PDE3B: variants seen among roughly 807,000 people sequenced by gnomAD.
The protein encoded by PDE3B is phosphodiesterase 3B, also known as cGMP-inhibited 3',5'-cyclic phosphodiesterase 3B.
Under a neutral mutation model 116.8 loss-of-function variants are expected in PDE3B, and 66 were observed. The observed-to-expected ratio is 0.56, with a 90% CI of 0.46 to 0.69. The LOEUF is 0.69. PDE3B is among the 30% of genes least tolerant of loss of function. The probability of loss-of-function intolerance (pLI) is 0.00; values close to 1 mark genes in which losing one functional copy is unlikely to be tolerated. For missense variants in PDE3B, 1,384 were observed against 1,368.1 expected, an observed-to-expected ratio of 1.01 and a Z score of -0.18; for synonymous variants, 595 against 533.6, an observed-to-expected ratio of 1.12 and a Z score of -1.59.
chr11:14,714,005 A>G (rs1435368907), intron 1 of PDE3B, among the ~76,000 whole-genome samples: 1 of 152,156 alleles, frequency 6.6e-6, no homozygotes, highest in Non-Finnish European at 1.5e-5. Context: ...CAGTTTTACC[A>G]CAACCTGGCT....
At chr11:14,674,487 AG>A (rs1225379888) in intron 1 of PDE3B, 1 of 564,206 alleles carries the variant, frequency 1.8e-6, no homozygotes, top group East Asian at 4.5e-5. Context: ...CATGAAGAAG[AG>A]GCCCATGAAA....
At chr11:14,847,768 C>A (rs1337896120) in intron 12 of PDE3B, among the ~76,000 whole-genome samples, 1 of 152,090 alleles carries the variant, frequency 6.6e-6, no homozygotes, top group Non-Finnish European at 1.5e-5. Context: ...GACACATACA[C>A]CCTCCCAAGA....
chr11:14,691,588 A>G (rs570226012), intron 1 of PDE3B, among the ~76,000 whole-genome samples: 7 of 152,290 alleles, frequency 4.6e-5, no homozygotes, highest in African/African-American at 1.4e-4. Flanking sequence ...ATCAAAATGT[A>G]TTGAATGTTT....
chr11:14,806,459 A>G (rs1858927613), intron 5 of PDE3B, among the ~76,000 whole-genome samples: 1 of 151,278 alleles, frequency 6.6e-6, no homozygotes, highest in Non-Finnish European at 1.5e-5. Flanking sequence ...AAAAAAAAAA[A>G]ATCATGCTAC....
intron 12 of PDE3B, among the ~76,000 whole-genome samples, chr11:14,846,954 A>G (rs1847618503): frequency 6.6e-6 from 1 of 152,188 alleles, no homozygotes; most frequent in Admixed American, 6.5e-5. Flanking sequence ...TAACAAGGAT[A>G]CCCAGGAATT....
At chr11:14,792,163 G>A (rs1304577976) in intron 4 of PDE3B, among the ~76,000 whole-genome samples, 2 of 152,036 alleles carry the variant, frequency 1.3e-5, no homozygotes, top group African/African-American at 4.8e-5. Context: ...CCTCATGACA[G>A]AGCTGCAGCC....
At chr11:14,805,110 A>AC (rs1307493425) in intron 5 of PDE3B, among the ~76,000 whole-genome samples, 8 of 152,170 alleles carry the variant, frequency 5.3e-5, no homozygotes, top group African/African-American at 1.9e-4. Flanking sequence ...ACTTCGCAAA[A>AC]CTAATAAAAG....
chr11:14,678,294 C>T (rs1854592895), intron 1 of PDE3B, among the ~76,000 whole-genome samples: 2 of 152,038 alleles, frequency 1.3e-5, no homozygotes, highest in South Asian at 4.1e-4. Context: ...AATAGAACTG[C>T]TGTAAACATT....
chr11:14,864,572 T>C (rs906610958), intron 14 of PDE3B, among the ~76,000 whole-genome samples: 1 of 152,084 alleles, frequency 6.6e-6, no homozygotes, highest in African/African-American at 2.4e-5. Context: ...CCTCAGCAAA[T>C]GTAAAAGAAT....
At chr11:14,795,745 C>T (rs1858532126) in intron 4 of PDE3B, among the ~76,000 whole-genome samples, 1 of 151,812 alleles carries the variant, frequency 6.6e-6, no homozygotes, top group South Asian at 2.1e-4. Flanking sequence ...TTTTTGTTTT[C>T]TTTCTTTTTT....
At chr11:14,807,492 A>G (rs1021839105) in intron 5 of PDE3B, among the ~76,000 whole-genome samples, 7 of 152,136 alleles carry the variant, frequency 4.6e-5, no homozygotes, top group African/African-American at 1.4e-4. Context: ...AGACCAGTAG[A>G]AAAAGATATA....
chr11:14,733,014 C>G (rs150544157), intron 1 of PDE3B, among the ~76,000 whole-genome samples: 2 of 152,296 alleles, frequency 1.3e-5, no homozygotes, highest in Non-Finnish European at 2.9e-5. Context: ...ATTCCTAATA[C>G]TTAAAAACGT....
At chr11:14,709,652 G>C (rs1855641677) in intron 1 of PDE3B, among the ~76,000 whole-genome samples, 1 of 152,148 alleles carries the variant, frequency 6.6e-6, no homozygotes, top group Non-Finnish European at 1.5e-5. Context: ...AGAGGAGATA[G>C]CACCTCTCTC....
At chr11:14,877,739 C>T in the PDE3B span, 1 of 185,138 alleles carries the variant, frequency 5.4e-6, no homozygotes, top group Non-Finnish European at 1.1e-5. Flanking sequence ...AATGACAATA[C>T]CTGATCAGAA....
At chr11:14,892,143 C>T in the PDE3B span, 1 of 1,611,412 alleles carries the variant, frequency 6.2e-7, no homozygotes, top group Non-Finnish European at 8.5e-7. Context: ...GCGCGAAGAG[C>T]AGCAGGAAGA....
chr11:14,654,973 G>A (rs369415737), intron 1 of PDE3B, among the ~76,000 whole-genome samples: 2 of 151,304 alleles, frequency 1.3e-5, no homozygotes, highest in African/African-American at 4.9e-5. Context: ...AAACCTAGGC[G>A]AACAGGACAA....
downstream of PDE3B, among the ~76,000 whole-genome samples, chr11:14,875,095 A>G (rs1848176273): frequency 6.6e-6 from 1 of 152,154 alleles, no homozygotes; most frequent in Non-Finnish European, 1.5e-5. Context: ...CTGCACAAAC[A>G]GAAGGAGAAA....
intron 1 of PDE3B, among the ~76,000 whole-genome samples, chr11:14,736,892 T>C (rs1407163028): frequency 6.6e-6 from 1 of 152,176 alleles, no homozygotes; most frequent in Non-Finnish European, 1.5e-5. Context: ...AAGTGGGTTC[T>C]GAACACCCAA....
chr11:14,665,249 G>A (rs1020247145), intron 1 of PDE3B, among the ~76,000 whole-genome samples: 2 of 152,096 alleles, frequency 1.3e-5, no homozygotes, highest in African/African-American at 2.4e-5. Context: ...AATAAATTAA[G>A]TATTGATGGG....
Sources: allele counts gnomAD v4.1 joint callset (sites outside exome capture counted in the v4.1 genomes callset), GRCh38; gene constraint gnomAD v4.1.1; transcripts MANE v1.5; gene names NCBI Gene and HGNC (gene_info 2026-07-23, HGNC 2026-07-21).